The following ZNF420 variants were observed in gnomAD, a reference collection of about 807,000 sequenced individuals.
ZNF420 encodes the protein ATM and p53-associated KZNF protein.
ZNF420 carries 31 observed loss-of-function variants against 44.7 expected under a neutral mutation model. That is an observed-to-expected ratio of 0.69 (90% CI 0.52 to 0.94). The LOEUF is 0.94. ZNF420 is among the 40% of genes least tolerant of loss of function. The pLI is 0.00. For missense variants in ZNF420, 681 were observed against 827.9 expected (o/e 0.82, Z 2.18); for synonymous variants, 245 against 267.4 (o/e 0.92, Z 0.82).
rs1413130733 is a variant in ZNF420, at chr19:37,037,152, T to C, written c.-125+29070T>C. On this transcript the variant is annotated intron_variant, in intron 1 of 4. Transcript: ENST00000587029. The stretch of plus-strand genomic sequence containing the variant: ...TCTTGGGCACCATTTGGACAAGCAG[T>C]TTGCGCTTTGAAATAAACCCAGGGG... Among the ~76,000 whole-genome samples the C allele has an allele frequency of 2.1e-5, 3 of 142,276 alleles. No homozygotes were observed. In the East Asian group the frequency reaches 6.0e-4, roughly 28 times the overall value. 93.3% of individuals were successfully genotyped at this position (142,276 alleles called of 152,430 possible). A position where few individuals can be genotyped will look rare whatever the true frequency, so the allele number is the denominator to read the frequency against.
At chr19:37,067,406 CA>C (rs1470048727) in intron 1 of ZNF420, among the ~76,000 whole-genome samples, 1 of 152,038 alleles carries the variant, frequency 6.6e-6, no homozygotes, top group African/African-American at 2.4e-5. Context: ...TGAAATACAA[CA>C]AAAAATGGAT....
At chr19:37,124,846 G>GT (rs200686040) in intron 4 of ZNF420, among the ~76,000 whole-genome samples, 2,911 of 150,056 alleles carry the variant, frequency 0.019, 81 homozygotes, top group East Asian at 0.05. Context: ...TTTGTATTTT[G>GT]TTTTTTTTGA....
chr19:37,120,921 C>T (rs1030022523), intron 4 of ZNF420, among the ~76,000 whole-genome samples: 64 of 151,906 alleles, frequency 4.2e-4, no homozygotes, highest in African/African-American at 9.9e-4. Context: ...TTACAAGGGA[C>T]GTGAAGGACC....
At chr19:37,049,798 T>TGTCCTGAATGGTATTGCCTAC (rs1175108219) in intron 1 of ZNF420, among the ~76,000 whole-genome samples, 3 of 152,236 alleles carry the variant, frequency 2.0e-5, no homozygotes, top group African/African-American at 7.2e-5. Flanking sequence ...CCCATGCCTA[T>TGTCCTGAATGGTATTGCCTAC]GTCCTGAATG....
intron 1 of ZNF420, among the ~76,000 whole-genome samples, chr19:37,058,270 G>A (rs1212255582): frequency 6.6e-6 from 1 of 152,136 alleles, no homozygotes; most frequent in Non-Finnish European, 1.5e-5. Context: ...TTTCAGACAG[G>A]GAAGCTCCCT....
intron 3 of ZNF420, 58 bp from the exon 4 acceptor site, chr19:37,090,937 G>C: frequency 6.7e-7 from 1 of 1,498,234 alleles, no homozygotes. Context: ...AAAAAAGAAA[G>C]AAAAAAAGAA....
chr19:37,056,148 G>C (rs916604974), intron 1 of ZNF420, among the ~76,000 whole-genome samples: 1 of 151,992 alleles, frequency 6.6e-6, no homozygotes, highest in Non-Finnish European at 1.5e-5. Context: ...GACGGGACTG[G>C]GGCTGGGTAC....
intron 2 of ZNF420, among the ~76,000 whole-genome samples, chr19:37,082,668 GA>G (rs1968531170): frequency 1.3e-5 from 2 of 152,226 alleles, no homozygotes; most frequent in South Asian, 4.1e-4. Context: ...CCAACCATAT[GA>G]ATATAGAAAA....
chr19:37,068,710 T>C (rs974804152), intron 1 of ZNF420, among the ~76,000 whole-genome samples: 2 of 152,068 alleles, frequency 1.3e-5, no homozygotes, highest in Non-Finnish European at 2.9e-5. Flanking sequence ...AAGTAAAATG[T>C]AACTAAAATC....
chr19:37,111,890 G>A (rs907506841), intron 4 of ZNF420, among the ~76,000 whole-genome samples: 2 of 152,166 alleles, frequency 1.3e-5, no homozygotes, highest in Non-Finnish European at 1.5e-5. Flanking sequence ...ACCCTGGTTG[G>A]AGATGCCCCA....
chr19:37,122,270 A>G (rs1441403042), intron 4 of ZNF420, among the ~76,000 whole-genome samples: 3 of 152,222 alleles, frequency 2.0e-5, no homozygotes, highest in East Asian at 1.9e-4. Context: ...ATACCATGGA[A>G]TAGTATGCAG....
intron 1 of ZNF420, among the ~76,000 whole-genome samples, chr19:37,015,160 G>A (rs1270891383): frequency 1.3e-5 from 2 of 152,210 alleles, no homozygotes; most frequent in Admixed American, 1.3e-4. Context: ...GTGTGTGTGT[G>A]GTTTCTTGTG....
At chr19:37,078,734 G>T (rs2146470852) in intron 1 of ZNF420, 164 bp downstream of exon 1, 1 of 152,726 alleles carries the variant, frequency 6.5e-6, no homozygotes, top group Admixed American at 6.5e-5. Flanking sequence ...TTTTGTGTAT[G>T]AGCATTTGTA....
chr19:37,008,106 C>T, intron 1 of ZNF420: 1 of 274,568 alleles, frequency 3.6e-6, no homozygotes, highest in Non-Finnish European at 7.0e-6. Context: ...AAAGTCGTGC[C>T]CCTGTCAATT....
chr19:37,080,388 GGTGA>G lies in ZNF420; in HGVS notation c.-81+3_-81+6del, dbSNP rs1325153106. On this transcript the variant is annotated splice_donor_variant and splice_donor_region_variant and intron_variant, in intron 2 of 4. Coordinates refer to ENST00000337995, the MANE Select transcript of ZNF420 (RefSeq NM_144689.5). LOFTEE classifies it low-confidence loss of function (5UTR_SPLICE). ...TGGCTGTTTCAGTAGCAATGTCCAAGGTGAGTATTTCCTCTTTGTTTCCTGAAAT... is the reference window on the plus strand; with the variant it reads ...TGGCTGTTTCAGTAGCAATGTCCAAGGTATTTCCTCTTTGTTTCCTGAAAT... 1 of 152,598 alleles carries G rather than the reference GGTGA, an allele frequency of 6.6e-6. No individual in the cohort carries two copies. The highest frequency in any genetic ancestry group is 1.9e-4 in the East Asian group (1 of 5,192). 9.5% of individuals were successfully genotyped at this position (152,598 alleles called of 1,614,324 possible).
rs2074591972 is a variant in ZNF420 at position 37,014,094 on chromosome 19, C to T, written c.-125+6012C>T. ...ATTCAGGGAGGCCTACTGGAGGAGGCGAGAGGTTTCTGCAAAGTACCCTTC... is the reference window on the plus strand; with the variant it reads ...ATTCAGGGAGGCCTACTGGAGGAGGTGAGAGGTTTCTGCAAAGTACCCTTC... On this transcript the variant is annotated intron_variant, in intron 1 of 4. Coordinates refer to the ZNF420 transcript ENST00000587029. Among the ~76,000 whole-genome samples, 2 of 152,164 alleles carry T rather than the reference C, an allele frequency of 1.3e-5. 1 individual carries two copies. The highest frequency in any genetic ancestry group is 4.1e-4 in the South Asian group (2 of 4,826).
At chr19:37,121,319 C>T (rs1196878147) in intron 4 of ZNF420, among the ~76,000 whole-genome samples, 49 of 145,806 alleles carry the variant, frequency 3.4e-4, no homozygotes, top group African/African-American at 8.5e-4. Flanking sequence ...GAAATAATGC[C>T]GCATATCTAC....
chr19:37,091,937 A>C (rs1969174544), intron 4 of ZNF420: 1 of 149,414 alleles, frequency 6.7e-6, no homozygotes, highest in Admixed American at 6.7e-5. Context: ...CTCAAAAAAC[A>C]AAAAAAAAAG....
At chr19:37,058,476 C>T (rs1269996413) in intron 1 of ZNF420, among the ~76,000 whole-genome samples, 1 of 152,102 alleles carries the variant, frequency 6.6e-6, no homozygotes, top group Non-Finnish European at 1.5e-5. Context: ...TCACAAATGT[C>T]AGGGATCCAA....
Sources: gnomAD v4.1 joint callset for allele counts (sites outside exome capture counted in the v4.1 genomes callset) on GRCh38, gnomAD v4.1.1 for gene constraint, MANE v1.5 for transcripts, NCBI Gene and HGNC (gene_info 2026-07-23, HGNC 2026-07-21) for gene names.